GJB7: variants seen among roughly 807,000 people sequenced by gnomAD.
GJB7 encodes the protein gap junction beta-7 protein.
For synonymous variants in GJB7, 87 were observed against 95.2 expected (o/e 0.91, Z 0.50); for missense variants, 253 against 256.8 (o/e 0.99, Z 0.10).
chr6:87,307,592 A>C (rs1467164485), intron 2 of GJB7, among the ~76,000 whole-genome samples: 2 of 152,252 alleles, frequency 1.3e-5, no homozygotes, highest in Non-Finnish European at 2.9e-5. Context: ...TCTTAAAAGA[A>C]GACATTTATG....
At chr6:87,323,855 C>T (rs1293311698) in intron 1 of GJB7, among the ~76,000 whole-genome samples, 1 of 152,130 alleles carries the variant, frequency 6.6e-6, no homozygotes, top group Non-Finnish European at 1.5e-5. Context: ...GCCACACTGA[C>T]TTCCACAATG....
At chr6:87,320,472 C>G (rs1776639980) in intron 2 of GJB7, among the ~76,000 whole-genome samples, 1 of 152,046 alleles carries the variant, frequency 6.6e-6, no homozygotes, top group Admixed American at 6.5e-5. Flanking sequence ...TTGTGTAAAC[C>G]AGAAAGTCTA....
chr6:87,328,603 G>A (rs1237531035), intron 1 of GJB7, among the ~76,000 whole-genome samples: 1 of 152,188 alleles, frequency 6.6e-6, no homozygotes, highest in Non-Finnish European at 1.5e-5. Flanking sequence ...GAGGCAGTCT[G>A]CCTGTTCTCA....
intron 2 of GJB7, chr6:87,292,071 A>G (rs1324019848): frequency 6.6e-6 from 1 of 152,254 alleles, no homozygotes; most frequent in African/African-American, 2.4e-5. Context: ...AGTGTAAGCC[A>G]AACAGGTGTA....
At chr6:87,324,260 C>T (rs1776760268) in intron 1 of GJB7, among the ~76,000 whole-genome samples, 1 of 152,130 alleles carries the variant, frequency 6.6e-6, no homozygotes, top group Non-Finnish European at 1.5e-5. Context: ...TTTTGCTGTG[C>T]AGAAGCTCTT....
At chr6:87,305,776 A>G (rs935843411) in intron 2 of GJB7, among the ~76,000 whole-genome samples, 1 of 152,230 alleles carries the variant, frequency 6.6e-6, no homozygotes, top group African/African-American at 2.4e-5. Context: ...ACTTCAAACT[A>G]TACTACAAGG....
chr6:87,323,638 T>C (rs1024952693), intron 1 of GJB7, among the ~76,000 whole-genome samples: 7 of 152,084 alleles, frequency 4.6e-5, no homozygotes, highest in African/African-American at 1.7e-4. Flanking sequence ...TATTACATGG[T>C]GTATATGTGC....
chr6:87,312,322 G>C (rs1776521250), intron 2 of GJB7, among the ~76,000 whole-genome samples: 1 of 151,746 alleles, frequency 6.6e-6, no homozygotes, highest in Non-Finnish European at 1.5e-5. Context: ...GACCAGCCTG[G>C]CCAAGATGGT....
At chr6:87,313,862 C>T (rs1776544876) in intron 2 of GJB7, among the ~76,000 whole-genome samples, 1 of 152,156 alleles carries the variant, frequency 6.6e-6, no homozygotes, top group Non-Finnish European at 1.5e-5. Context: ...GAATCAGAGG[C>T]TCTGAGAATG....
intron 2 of GJB7, chr6:87,322,203 C>T: frequency 6.6e-6 from 1 of 152,344 alleles, no homozygotes. Flanking sequence ...ACTTAAATGA[C>T]TGTTCCCCTA....
At chr6:87,315,810 A>G (rs1308740495) in intron 2 of GJB7, among the ~76,000 whole-genome samples, 2 of 145,894 alleles carry the variant, frequency 1.4e-5, no homozygotes, top group Admixed American at 6.7e-5. Flanking sequence ...AAAAAAAAAA[A>G]AAAAAAGAAA....
chr6:87,288,714 T>A (rs1776110172), intron 2 of GJB7, among the ~76,000 whole-genome samples: 1 of 152,206 alleles, frequency 6.6e-6, no homozygotes, highest in African/African-American at 2.4e-5. Context: ...AACTTGGAAG[T>A]CATTCTTCAT....
intron 1 of GJB7, among the ~76,000 whole-genome samples, chr6:87,323,286 GTTA>G (rs200940145): frequency 6.6e-5 from 10 of 151,816 alleles, no homozygotes; most frequent in African/African-American, 1.9e-4. Flanking sequence ...TTATTTATTT[GTTA>G]TTATTATAAG....
chr6:87,285,314 G>T (rs1282082653), intron 2 of GJB7, among the ~76,000 whole-genome samples: 1 of 152,120 alleles, frequency 6.6e-6, no homozygotes, highest in African/African-American at 2.4e-5. Flanking sequence ...GGTGATCCTG[G>T]TATCTTGAGA....
At chr6:87,300,413 T>G in intron 2 of GJB7, 1 of 247,706 alleles carries the variant, frequency 4.0e-6, no homozygotes, top group Non-Finnish European at 8.7e-6. Flanking sequence ...AACCCTGGAA[T>G]GGGTGCAGTG....
chr6:87,328,217 G>A (rs1196428451), intron 1 of GJB7, among the ~76,000 whole-genome samples: 3 of 152,146 alleles, frequency 2.0e-5, no homozygotes, highest in Non-Finnish European at 2.9e-5. Flanking sequence ...CCCGTAGCTC[G>A]GAATAATTTG....
At chr6:87,307,219 TA>T (rs202119775) in intron 2 of GJB7, among the ~76,000 whole-genome samples, 1 of 147,754 alleles carries the variant, frequency 6.8e-6, no homozygotes, top group Non-Finnish European at 1.5e-5. Context: ...AAAAAACTAT[TA>T]AAAAAAAGAT....
rs1776595187 is a variant in GJB7 at position 87,317,152 on chromosome 6, C to T, written c.-28+5714G>A. On this transcript the variant is annotated intron_variant, in intron 2 of 2. Transcript: ENST00000525899. ...GATGGATCAGTTTAGATCAGGAGTT[C>T]AAGACCAGCCTGGCCAACAGGGTGA... Among the ~76,000 whole-genome samples, 4 of 148,086 alleles carry T rather than the reference C, an allele frequency of 2.7e-5. No homozygotes were observed. In the Admixed American group the frequency reaches 2.7e-4, roughly 10 times the overall value.
intron 2 of GJB7, among the ~76,000 whole-genome samples, chr6:87,296,025 A>G: frequency 6.6e-6 from 1 of 152,252 alleles, no homozygotes; most frequent in East Asian, 1.9e-4. Context: ...CAACAAATGA[A>G]AAGCCATATT....
Sources: allele counts gnomAD v4.1 joint callset (sites outside exome capture counted in the v4.1 genomes callset), GRCh38; gene constraint gnomAD v4.1.1; transcripts MANE v1.5; gene names NCBI Gene and HGNC (gene_info 2026-07-23, HGNC 2026-07-21).